The following PTPN13 variants were observed in gnomAD, a reference collection of about 807,000 sequenced individuals.
PTPN13 encodes tyrosine-protein phosphatase non-receptor type 13.
PTPN13 carries 191 observed loss-of-function variants against 284.0 expected under a neutral mutation model. The ratio of observed to expected loss-of-function variants is 0.67; its 90% CI spans 0.60 to 0.76. The LOEUF is 0.76. Among genes scored for constraint, PTPN13 ranks in the 30% least tolerant of loss-of-function variants. The probability of loss-of-function intolerance (pLI) is 0.00; values close to 1 mark genes in which losing one functional copy is unlikely to be tolerated. For synonymous variants in PTPN13, 986 were observed against 1,022.3 expected (o/e 0.96, Z 0.68); for missense variants, 2,797 against 2,939.9 (o/e 0.95, Z 1.12).
At chr4:86,811,640 C>A (rs1051859877) in intron 47 of PTPN13, among the ~76,000 whole-genome samples, 2 of 152,186 alleles carry the variant, frequency 1.3e-5, no homozygotes, top group African/African-American at 4.8e-5. Context: ...GAAACCATCA[C>A]CCACTGACAC....
chr4:86,787,169 A>G (rs757912577), intron 40 of PTPN13, among the ~76,000 whole-genome samples: 3 of 151,996 alleles, frequency 2.0e-5, no homozygotes, highest in Non-Finnish European at 2.9e-5. Context: ...GTTAATATAG[A>G]TTCTCATTTA....
At chr4:86,780,170 A>C (rs1741131915) in intron 35 of PTPN13, among the ~76,000 whole-genome samples, 1 of 152,226 alleles carries the variant, frequency 6.6e-6, no homozygotes, top group East Asian at 1.9e-4. Flanking sequence ...AGGCCTAGGC[A>C]GGTGGATTGC....
chr4:86,803,261 CACAT>C (rs1440733548), intron 42 of PTPN13, among the ~76,000 whole-genome samples: 3 of 150,286 alleles, frequency 2.0e-5, no homozygotes, highest in African/African-American at 7.3e-5. Flanking sequence ...TATACACACA[CACAT>C]ATATAAATAT....
chr4:86,799,910 T>C (rs1418025375), intron 42 of PTPN13, among the ~76,000 whole-genome samples: 2 of 142,738 alleles, frequency 1.4e-5, no homozygotes, highest in African/African-American at 5.1e-5. Flanking sequence ...CAATCTTGGC[T>C]CACTGCAACC....
In PTPN13 at chr4:86,701,571, G is replaced by A. The variant is rs181863701; in HGVS notation, c.965G>A (p.Arg322His). ...DFSSGETATY[R>H]RCHPEAVTVR... ...TCTTCAGGAGAGACTGCCACATATCGTCGTTGTCACCCTGAGGCAGTAACA... is the reference window on the plus strand; with the variant it reads ...TCTTCAGGAGAGACTGCCACATATCATCGTTGTCACCCTGAGGCAGTAACA... The change falls in exon 7 of 48, where the codon CGT (arginine) becomes CAT (histidine). Residue 322 changes from arginine to histidine, a missense_variant. Transcript: ENST00000411767. 1.3e-5 allele frequency: 21 copies of A among 1,613,800 alleles called. No individual in the cohort carries two copies. The highest frequency in any genetic ancestry group is 1.6e-4 in the Middle Eastern group (1 of 6,062).
intron 1 of PTPN13, among the ~76,000 whole-genome samples, chr4:86,619,450 T>A (rs969011548): frequency 6.6e-6 from 1 of 152,204 alleles, no homozygotes; most frequent in Admixed American, 6.5e-5. Context: ...ACATTTCAGT[T>A]TTTAAAAAAT....
At chr4:86,701,828 A>C (rs577802863) in intron 7 of PTPN13, 27 bp downstream of exon 7, 31 of 1,534,466 alleles carry the variant, frequency 2.0e-5, no homozygotes, top group Non-Finnish European at 2.7e-5. Context: ...ATGTTTGAGA[A>C]AGAATTGAAG....
intron 7 of PTPN13, among the ~76,000 whole-genome samples, chr4:86,704,235 A>G (rs978016285): frequency 5.9e-5 from 9 of 152,208 alleles, no homozygotes; most frequent in African/African-American, 2.2e-4. Flanking sequence ...TCTAAGTTTC[A>G]AAACATTACT....
At chr4:86,620,099 A>G (rs6531932) in intron 1 of PTPN13, among the ~76,000 whole-genome samples, 40,703 of 152,142 alleles carry the variant, frequency 0.27, 5,574 homozygotes, top group Admixed American at 0.31. Context: ...AAAATATTAA[A>G]TAAGGACATT....
At chr4:86,728,114 G>A (rs1734494406) in intron 10 of PTPN13, among the ~76,000 whole-genome samples, 1 of 149,686 alleles carries the variant, frequency 6.7e-6, no homozygotes, top group African/African-American at 2.4e-5. Context: ...TTTCCATGCA[G>A]TTGTGCAGTT....
At chr4:86,797,605 T>C (rs12171459) in intron 41 of PTPN13, among the ~76,000 whole-genome samples, 15,133 of 152,176 alleles carry the variant, frequency 0.099, 873 homozygotes, top group Non-Finnish European at 0.11. Flanking sequence ...TTCTCTTAAC[T>C]ATTGGAAAAA....
Position 86,809,957 on chromosome 4 carries a change from T to C in PTPN13, c.7272T>C (p.Val2424=). 1 of 1,614,000 alleles carries C rather than the reference T, an allele frequency of 6.2e-7. No individual in the cohort carries two copies. The highest frequency in any genetic ancestry group is 1.6e-4 in the Middle Eastern group (1 of 6,062). Residue 2424 remains valine (V), a synonymous_variant, in exon 46 of 48, where the codon GTT becomes GTC. Transcript: ENST00000411767. ...GGACCCTGATTTGCATAGATGTGGT[T>C]CTGGGATTAATCAGTCAGGATCTTG... ...RSGTLICIDV[V]LGLISQDLDF... is the part of the protein sequence containing the mutation.
At chr4:86,736,919 C>G (rs541219275) in intron 15 of PTPN13, among the ~76,000 whole-genome samples, 48 of 152,314 alleles carry the variant, frequency 3.2e-4, no homozygotes, top group Non-Finnish European at 5.3e-4. Flanking sequence ...TTTCTTCTAA[C>G]TTAAGAAGTT....
chr4:86,713,977 G>T (rs1732717141), intron 7 of PTPN13, among the ~76,000 whole-genome samples: 1 of 150,922 alleles, frequency 6.6e-6, no homozygotes. Flanking sequence ...TAGCAAAAAA[G>T]AATTCCTCAC....
Position 86,734,326 on chromosome 4 carries a change from C to A in PTPN13, c.1882C>A (p.Pro628Thr), listed in dbSNP as rs772121594. The part of the protein sequence containing the change: ...LKDNEYFFVD[P>T]DLKLTKVAPE... ...AGATAATGAATATTTCTTTGTTGATCCTGACTTAAAATTAACCAAAGTGGC... is the reference window on the plus strand; with the variant it reads ...AGATAATGAATATTTCTTTGTTGATACTGACTTAAAATTAACCAAAGTGGC... The change falls in exon 13 of 48, where the codon CCT becomes ACT. Residue 628 changes from proline (P) to threonine (T), a missense_variant. By Grantham distance (38) the Pro-to-Thr change is conservative. Coordinates refer to ENST00000411767, the MANE Select transcript of PTPN13 (RefSeq NM_080683.3). 9.2e-6 allele frequency: 14 copies of A among 1,526,714 alleles called. No homozygotes were observed. In the East Asian group the frequency reaches 2.9e-4, roughly 32 times the overall value. 94.6% of individuals were successfully genotyped at this position (1,526,714 alleles called of 1,614,324 possible).
chr4:86,750,870 A>G lies in PTPN13; in HGVS notation c.3051A>G (p.Gly1017=), dbSNP rs759901458. ...GATCTGATGCAGAATCTTTGGCAGGAGTGACAAAACTTAATAAGTAAGAAC... is the reference window on the plus strand; with the variant it reads ...GATCTGATGCAGAATCTTTGGCAGGGGTGACAAAACTTAATAAGTAAGAAC... The part of the protein sequence containing the change: ...MSRSDAESLA[G]VTKLNNSKSV... Residue 1017 remains glycine, a synonymous_variant, in exon 18 of 48, where the codon GGA becomes GGG. Transcript: ENST00000411767. 1 of 1,613,424 alleles carries G rather than the reference A, an allele frequency of 6.2e-7. No homozygotes were observed. The highest frequency in any genetic ancestry group is 8.5e-7 in the Non-Finnish European group (1 of 1,179,658).
At chr4:86,773,058 C>CTTT in intron 32 of PTPN13, 100 bp downstream of exon 32, 1 of 849,406 alleles carries the variant, frequency 1.2e-6, no homozygotes, top group Non-Finnish European at 1.7e-6. Flanking sequence ...TTTAAAATAG[C>CTTT]TTCATATGTG....
chr4:86,755,359 T>TAAA (rs3035340), intron 20 of PTPN13, among the ~76,000 whole-genome samples: 11 of 146,516 alleles, frequency 7.5e-5, no homozygotes, highest in Admixed American at 1.4e-4. Flanking sequence ...TTGCTCAACT[T>TAAA]AAAAAAAAAA....
chr4:86,761,192 A>G (rs1374212158), intron 23 of PTPN13, among the ~76,000 whole-genome samples: 1 of 143,000 alleles, frequency 7.0e-6, no homozygotes, highest in Non-Finnish European at 1.5e-5. Flanking sequence ...TACACACACT[A>G]TTTTTTAAAA....
Sources: allele counts gnomAD v4.1 joint callset (sites outside exome capture counted in the v4.1 genomes callset), GRCh38; gene constraint gnomAD v4.1.1; transcripts MANE v1.5; gene names NCBI Gene and HGNC (gene_info 2026-07-23, HGNC 2026-07-21).